The following FOXP1 variants were observed in gnomAD, a reference collection of about 807,000 sequenced individuals.
The protein encoded by FOXP1 is forkhead box P1.
A neutral mutation model predicts 98.2 loss-of-function variants in FOXP1; 15 were observed. That is an observed-to-expected ratio of 0.15 (90% CI 0.10 to 0.24). The LOEUF is 0.24. Among genes scored for constraint, FOXP1 ranks in the 10% least tolerant of loss-of-function variants. FOXP1 has a pLI of 1.00. For synonymous variants in FOXP1, 371 were observed against 314.5 expected (o/e 1.18, Z -1.90); for missense variants, 633 against 848.5 (o/e 0.75, Z 3.15).
intron 2 of FOXP1, among the ~76,000 whole-genome samples, chr3:71,536,541 AT>A (rs1389669168): frequency 9.3e-5 from 14 of 149,788 alleles, no homozygotes; most frequent in Admixed American, 9.3e-4. Flanking sequence ...AAGAGCTTGC[AT>A]TTATCACTTA....
intron 7 of FOXP1, among the ~76,000 whole-genome samples, chr3:71,090,188 C>A (rs1399933676): frequency 6.6e-6 from 1 of 152,170 alleles, no homozygotes; most frequent in African/African-American, 2.4e-5. Context: ...CAACCTTGCT[C>A]CCATCATAAA....
chr3:71,100,610 A>G (rs2056869199), intron 7 of FOXP1, among the ~76,000 whole-genome samples: 1 of 152,234 alleles, frequency 6.6e-6, no homozygotes, highest in African/African-American at 2.4e-5. Flanking sequence ...AAAGCAGACA[A>G]AGATAATCTC....
chr3:71,416,879 C>T (rs965634575), intron 3 of FOXP1, among the ~76,000 whole-genome samples: 10 of 152,078 alleles, frequency 6.6e-5, no homozygotes, highest in African/African-American at 1.9e-4. Context: ...AATTACAGAA[C>T]TTTCCCTTTA....
intron 4 of FOXP1, among the ~76,000 whole-genome samples, chr3:71,307,119 T>TCTA (rs978603057): frequency 6.6e-6 from 1 of 152,222 alleles, no homozygotes; most frequent in Admixed American, 6.5e-5. Flanking sequence ...ATTATGTTCG[T>TCTA]CTACTACTTA....
intron 13 of FOXP1, among the ~76,000 whole-genome samples, chr3:70,988,883 A>G (rs1249410486): frequency 2.6e-5 from 4 of 152,118 alleles, no homozygotes; most frequent in African/African-American, 9.6e-5. Flanking sequence ...AGTGGGAAAT[A>G]TATCCCCTAA....
At chr3:71,408,433 C>G (rs139537986) in intron 3 of FOXP1, among the ~76,000 whole-genome samples, 2 of 152,162 alleles carry the variant, frequency 1.3e-5, no homozygotes, top group African/African-American at 4.8e-5. Context: ...CGTTACCATG[C>G]GCACATTCAC....
At chr3:71,555,251 G>A (rs1371515467) in intron 2 of FOXP1, among the ~76,000 whole-genome samples, 1 of 151,914 alleles carries the variant, frequency 6.6e-6, no homozygotes, top group Non-Finnish European at 1.5e-5. Context: ...TTTCCTATCC[G>A]TCCCCAACCC....
At chr3:71,159,096 C>A (rs1380639989) in intron 6 of FOXP1, among the ~76,000 whole-genome samples, 48 of 105,316 alleles carry the variant, frequency 4.6e-4, no homozygotes, top group African/African-American at 1.8e-3. Context: ...CAGGGCGGAA[C>A]CCTATCTCAA....
intron 4 of FOXP1, among the ~76,000 whole-genome samples, chr3:71,330,624 G>A (rs902210177): frequency 2.6e-5 from 4 of 152,232 alleles, no homozygotes; most frequent in African/African-American, 9.6e-5. Flanking sequence ...TTTGCATTAA[G>A]TGCAATTAAG....
Position 70,958,899 on chromosome 3 carries a change from C to T in FOXP1, c.*348G>A, listed in dbSNP as rs1458068603. ...TCTGTCGGGCGTCCTCAGTGTCCAA[C>T]GTTGGCAGGACTGCAGTTCAAAGTC... On this transcript the variant is annotated 3_prime_UTR_variant, in exon 21 of 21. Transcript: ENST00000649528. 4 of 416,652 alleles carry T rather than the reference C, an allele frequency of 9.6e-6. No individual in the cohort carries two copies. The highest frequency in any genetic ancestry group is 4.2e-5 in the East Asian group (1 of 23,806). The allele number at this position is 416,652 out of a possible 1,614,324, so 25.8% of individuals were successfully genotyped here. A position where few individuals can be genotyped will look rare whatever the true frequency, so the allele number is the denominator to read the frequency against.
At chr3:71,442,735 C>T (rs1001648699) in intron 3 of FOXP1, among the ~76,000 whole-genome samples, 15 of 152,138 alleles carry the variant, frequency 9.9e-5, no homozygotes, top group Non-Finnish European at 2.1e-4. Flanking sequence ...AGGCCTGCTC[C>T]ATCAGGAAAA....
chr3:71,075,329 C>A (rs188568918), intron 7 of FOXP1, among the ~76,000 whole-genome samples: 1 of 152,332 alleles, frequency 6.6e-6, no homozygotes, highest in African/African-American at 2.4e-5. Context: ...ACTTAAAATG[C>A]TTCCTAATGT....
intron 2 of FOXP1, among the ~76,000 whole-genome samples, chr3:71,528,927 T>C (rs949364679): frequency 6.6e-6 from 1 of 152,328 alleles, no homozygotes; most frequent in Admixed American, 6.5e-5. Context: ...ATAGCGATCA[T>C]GAATGTTTAA....
At chr3:71,315,870 C>A (rs1429995111) in intron 4 of FOXP1, among the ~76,000 whole-genome samples, 1 of 152,228 alleles carries the variant, frequency 6.6e-6, no homozygotes, top group Non-Finnish European at 1.5e-5. Context: ...CTTGAACAAG[C>A]TTTACTTTCT....
intron 11 of FOXP1, among the ~76,000 whole-genome samples, chr3:71,016,799 G>T (rs944985766): frequency 6.6e-6 from 1 of 151,958 alleles, no homozygotes; most frequent in African/African-American, 2.4e-5. Flanking sequence ...AATGCCATTT[G>T]TCCCTGACTT....
At chr3:71,026,314 G>A (rs2046107902) in intron 11 of FOXP1, among the ~76,000 whole-genome samples, 1 of 152,072 alleles carries the variant, frequency 6.6e-6, no homozygotes, top group Non-Finnish European at 1.5e-5. Context: ...CACAACAATG[G>A]GGCGCATATT....
intron 6 of FOXP1, among the ~76,000 whole-genome samples, chr3:71,154,123 AT>A (rs1213711900): frequency 2.6e-5 from 4 of 151,676 alleles, no homozygotes; most frequent in Non-Finnish European, 5.9e-5. Context: ...ACTAATAATA[AT>A]TGAATGTATT....
chr3:71,520,946 TGAG>T (rs2042936067), intron 2 of FOXP1, among the ~76,000 whole-genome samples: 1 of 151,938 alleles, frequency 6.6e-6, no homozygotes, highest in Non-Finnish European at 1.5e-5. Context: ...AAGGGAGAAA[TGAG>T]GACATTTTCC....
At chr3:71,063,182 T>TTTTTACACACA (rs2051787988) in intron 7 of FOXP1, among the ~76,000 whole-genome samples, 1 of 152,232 alleles carries the variant, frequency 6.6e-6, no homozygotes, top group Non-Finnish European at 1.5e-5. Context: ...TTTGGTTTCA[T>TTTTTACACACA]TTTTACACAC....
Sources: gnomAD v4.1 joint callset for allele counts (sites outside exome capture counted in the v4.1 genomes callset) on GRCh38, gnomAD v4.1.1 for gene constraint, MANE v1.5 for transcripts, NCBI Gene and HGNC (gene_info 2026-07-23, HGNC 2026-07-21) for gene names.